Variants in CCDC7 observed in about 807,000 individuals in gnomAD.
The protein encoded by CCDC7 is coiled-coil domain containing 7.
Under a neutral mutation model 196.9 loss-of-function variants are expected in CCDC7, and 183 were observed. The ratio of observed to expected loss-of-function variants is 0.93; its 90% CI spans 0.82 to 1.05. The LOEUF (loss-of-function observed/expected upper bound fraction) is 1.05, where lower values mean the gene tolerates loss of function less well. Among genes scored for constraint, CCDC7 ranks in the 50% least tolerant of loss-of-function variants. The pLI is 0.00. For missense variants in CCDC7, 1,540 were observed against 1,482.2 expected, an observed-to-expected ratio of 1.04 and a Z score of -0.64; for synonymous variants, 525 against 484.6, an observed-to-expected ratio of 1.08 and a Z score of -1.10.
chr10:32,598,222 G>T (rs2060621467), intron 18 of CCDC7, among the ~76,000 whole-genome samples: 1 of 152,150 alleles, frequency 6.6e-6, no homozygotes, highest in South Asian at 2.1e-4. Flanking sequence ...CCCACCCCCA[G>T]CCTCACTGTC....
chr10:32,492,303 CAG>C (rs1417504799), intron 9 of CCDC7, among the ~76,000 whole-genome samples: 2 of 151,946 alleles, frequency 1.3e-5, no homozygotes, highest in Non-Finnish European at 2.9e-5. Context: ...AAATTAAAAA[CAG>C]AATTACCATA....
At chr10:32,823,653 CAA>C (rs1174495735) in intron 31 of CCDC7, among the ~76,000 whole-genome samples, 1 of 152,106 alleles carries the variant, frequency 6.6e-6, no homozygotes, top group African/African-American at 2.4e-5. Flanking sequence ...AACTTTGACA[CAA>C]AAAACTTCAG....
rs141993816 is a variant in CCDC7, at chr10:32,803,176, G to C, written c.3014-1839G>C. Among the ~76,000 whole-genome samples the C allele has an allele frequency of 5.3e-5, 8 of 152,318 alleles. No homozygotes were observed. The East Asian group carries it at 1.5e-3, about 29-fold the overall frequency. ...TGAGAAGCATGTGTATTCTGCACTT[G>C]ATCTTAGCCAAAAGGCGAAGTGATG... On this transcript the variant is annotated intron_variant, in intron 29 of 41. Coordinates refer to ENST00000639629, the Ensembl canonical transcript of CCDC7.
chr10:32,668,843 C>G (rs1382306842), intron 21 of CCDC7, among the ~76,000 whole-genome samples: 5 of 151,930 alleles, frequency 3.3e-5, no homozygotes, highest in African/African-American at 4.8e-5. Flanking sequence ...TGTTATCTGA[C>G]CAAGATAATT....
At chr10:32,492,943 A>G (rs961973981) in intron 9 of CCDC7, among the ~76,000 whole-genome samples, 1 of 152,128 alleles carries the variant, frequency 6.6e-6, no homozygotes, top group African/African-American at 2.4e-5. Flanking sequence ...TTTAAAATAA[A>G]TGTTTTATTT....
chr10:32,668,482 T>C (rs1330012678), intron 21 of CCDC7, among the ~76,000 whole-genome samples: 2 of 152,168 alleles, frequency 1.3e-5, no homozygotes, highest in Non-Finnish European at 2.9e-5. Flanking sequence ...TTTTTGCCCA[T>C]TCAGTATGAT....
intron 9 of CCDC7, among the ~76,000 whole-genome samples, chr10:32,500,813 G>T (rs2043884699): frequency 1.3e-5 from 2 of 152,226 alleles, no homozygotes; most frequent in Non-Finnish European, 2.9e-5. Flanking sequence ...GGGAGGCCGA[G>T]GCAGGCAGAT....
At chr10:32,599,500 C>G (rs2060769349) in intron 18 of CCDC7, among the ~76,000 whole-genome samples, 1 of 152,002 alleles carries the variant, frequency 6.6e-6, no homozygotes, top group South Asian at 2.1e-4. Context: ...CTGCATTTTC[C>G]TCCTTTAGCA....
intron 20 of CCDC7, among the ~76,000 whole-genome samples, chr10:32,657,533 A>G (rs2070223538): frequency 6.6e-6 from 1 of 152,222 alleles, no homozygotes; most frequent in South Asian, 2.1e-4. Flanking sequence ...GGTCTATTTC[A>G]GGAATGGCTG....
At position 32,628,334 on chromosome 10, in the gene CCDC7, AT is replaced by A. The variant is rs200019941; in HGVS notation, c.1802-5911del. On this transcript the variant is annotated intron_variant, in intron 18 of 41. Coordinates refer to ENST00000639629, the Ensembl canonical transcript of CCDC7. ...TAATTGTTTATAGTAGTCTATTTTG[AT>A]TTTTTTTTGGTCTTTATGTTACATC... Among the ~76,000 whole-genome samples, 113 of 149,480 alleles carry A rather than the reference AT, an allele frequency of 7.6e-4. 1 individual carries two copies. The highest frequency in any genetic ancestry group is 6.5e-3 in the South Asian group (31 of 4,734).
intron 22 of CCDC7, among the ~76,000 whole-genome samples, chr10:32,688,363 T>C (rs1398515876): frequency 1.3e-5 from 2 of 152,192 alleles, no homozygotes; most frequent in African/African-American, 2.4e-5. Flanking sequence ...ACAATAGTTA[T>C]TGGGTGCCAC....
At chr10:32,878,604 CTT>C (rs2094677550), downstream of CCDC7, among the ~76,000 whole-genome samples, 1 of 152,062 alleles carries the variant, frequency 6.6e-6, no homozygotes, top group African/African-American at 2.4e-5. Flanking sequence ...CTTTGAAAGA[CTT>C]TGGCTGCCAT....
At chr10:32,584,752 C>CAAAAAAAAAAAAAAAA (rs749922864) in intron 18 of CCDC7, among the ~76,000 whole-genome samples, 1 of 56,318 alleles carries the variant, frequency 1.8e-5, no homozygotes, top group Non-Finnish European at 2.9e-5. Flanking sequence ...CACTTCATCT[C>CAAAAAAAAAAAAAAAA]AAAAAAAAAA....
chr10:32,808,292 G>T (rs1202673305), intron 30 of CCDC7, among the ~76,000 whole-genome samples: 2 of 152,064 alleles, frequency 1.3e-5, no homozygotes, highest in Non-Finnish European at 2.9e-5. Flanking sequence ...CCCATCAGTT[G>T]CCCTGATTAC....
At chr10:32,876,591 A>G (rs2094602205), downstream of CCDC7, 1 of 421,894 alleles carries the variant, frequency 2.4e-6, no homozygotes, top group South Asian at 6.4e-5. Flanking sequence ...GTGAGTTTGA[A>G]AGTTTCAAAT....
At chr10:32,461,982 G>T (rs1401810267) in intron 3 of CCDC7, among the ~76,000 whole-genome samples, 2 of 151,568 alleles carry the variant, frequency 1.3e-5, no homozygotes, top group Admixed American at 1.3e-4. Context: ...ATGTTGGTCA[G>T]GCTGGTCTTG....
chr10:32,697,139 A>G (rs1163755222), intron 24 of CCDC7, among the ~76,000 whole-genome samples: 4 of 152,212 alleles, frequency 2.6e-5, no homozygotes, highest in Non-Finnish European at 5.9e-5. Context: ...AGATGGTCCC[A>G]TGTGAGGCAT....
At chr10:32,711,066 A>G (rs2080742685) in intron 24 of CCDC7, among the ~76,000 whole-genome samples, 2 of 152,088 alleles carry the variant, frequency 1.3e-5, no homozygotes, top group South Asian at 4.1e-4. Context: ...TCATCCACAC[A>G]TAGATACACA....
rs764091395 is a variant in CCDC7, at chr10:32,860,879, AACT to A, written c.4111+6393_4111+6395del. Among the ~76,000 whole-genome samples, 15 of 152,266 alleles carry A rather than the reference AACT, an allele frequency of 9.9e-5. 1 individual carries two copies. The Middle Eastern group carries it at 0.014, about 138-fold the overall frequency. Reference sequence around the variant, plus strand: ...GGATGTGAAGGACCTCTTCAAGGAGAACTACAAACCACTGCTCAAGGAAATAAG... The same window carrying A: ...GGATGTGAAGGACCTCTTCAAGGAGAACAAACCACTGCTCAAGGAAATAAG... On this transcript the variant is annotated intron_variant, in intron 41 of 41. Transcript: ENST00000639629.
Sources: gnomAD v4.1 joint callset for allele counts (sites outside exome capture counted in the v4.1 genomes callset) on GRCh38, gnomAD v4.1.1 for gene constraint, MANE v1.5 for transcripts, NCBI Gene and HGNC (gene_info 2026-07-23, HGNC 2026-07-21) for gene names.